CNTN4: variants seen among roughly 807,000 people sequenced by gnomAD.
The protein encoded by CNTN4 is contactin-4.
In CNTN4, 77 loss-of-function variants were observed where a neutral mutation model predicts 122.5. The ratio of observed to expected loss-of-function variants is 0.63; its 90% confidence interval spans 0.52 to 0.76. CNTN4 has a LOEUF of 0.76. Among genes scored for constraint, CNTN4 ranks in the 30% least tolerant of loss-of-function variants. The pLI is 0.00. For synonymous variants in CNTN4, 512 were observed against 447.0 expected (o/e 1.15, Z -1.83); for missense variants, 1,256 against 1,259.1 (o/e 1.00, Z 0.04).
rs1164594646 is a variant in CNTN4, at chr3:2,137,512, G to A, written c.-145+36873G>A. Among the ~76,000 whole-genome samples the A allele has an allele frequency of 2.6e-5, 4 of 152,112 alleles. No homozygotes were observed. The East Asian group carries it at 7.7e-4, about 29-fold the overall frequency. On this transcript the variant is annotated intron_variant, in intron 2 of 24. Coordinates refer to ENST00000418658, the MANE Select transcript of CNTN4 (RefSeq NM_175607.3). The stretch of plus-strand genomic sequence containing the variant: ...AATTTGGGGGTGGGGGGATTAGAAA[G>A]ATGCTTTATTCAAAATGAATTGTAT...
intron 12 of CNTN4, among the ~76,000 whole-genome samples, chr3:2,922,953 C>G (rs2094442756): frequency 6.6e-6 from 1 of 152,128 alleles, no homozygotes; most frequent in South Asian, 2.1e-4. Flanking sequence ...GATGTTCCAG[C>G]CAGTCTTATC....
chr3:2,893,628 G>A (rs2094070846), intron 10 of CNTN4, among the ~76,000 whole-genome samples: 1 of 152,060 alleles, frequency 6.6e-6, no homozygotes. Context: ...AGGAGTGGAG[G>A]CATAAAGTCC....
At chr3:2,257,381 A>C (rs6779847) in intron 2 of CNTN4, among the ~76,000 whole-genome samples, 12,774 of 152,278 alleles carry the variant, frequency 0.084, 880 homozygotes, top group African/African-American at 0.19. Flanking sequence ...AGGCATGGGC[A>C]AAGACTTCAT....
intron 2 of CNTN4, among the ~76,000 whole-genome samples, chr3:2,138,241 T>G (rs1380376785): frequency 2.0e-5 from 3 of 151,890 alleles, no homozygotes; most frequent in Non-Finnish European, 4.4e-5. Context: ...AATTTTTGTG[T>G]TTTTTTACTA....
In CNTN4 at chr3:2,472,153, CAA is replaced by C. The variant is rs570896250; in HGVS notation, c.-88-99246_-88-99245del. ...TTGCAACAAGAGCGAAATTCCATCT[CAA>C]AAAAAAAAAAAAAAAAGTTCTCCCC... On this transcript the variant is annotated intron_variant, in intron 3 of 24. Transcript: ENST00000418658. Among the ~76,000 whole-genome samples, 642 of 90,944 alleles carry C rather than the reference CAA, an allele frequency of 7.1e-3. 4 individuals carry two copies. Among genetic ancestry groups the C allele is most frequent in the African/African-American group, 0.023 (587 of 25,068 alleles). 59.7% of individuals were successfully genotyped at this position (90,944 alleles called of 152,430 possible).
chr3:2,584,132 C>G (rs528164585), intron 4 of CNTN4, among the ~76,000 whole-genome samples: 20 of 152,152 alleles, frequency 1.3e-4, no homozygotes, highest in Non-Finnish European at 2.4e-4. Flanking sequence ...ATAATAATGT[C>G]TATTGTAGTC....
intron 2 of CNTN4, among the ~76,000 whole-genome samples, chr3:2,191,834 C>A (rs956148011): frequency 5.3e-5 from 8 of 152,072 alleles, no homozygotes; most frequent in African/African-American, 9.7e-5. Context: ...CACCCATTAA[C>A]TTGTCATTTA....
chr3:2,811,197 G>T (rs1472658243), intron 6 of CNTN4, among the ~76,000 whole-genome samples: 1 of 151,754 alleles, frequency 6.6e-6, no homozygotes, highest in East Asian at 2.0e-4. Context: ...ATCACTTGAA[G>T]TCAGGAGTTC....
intron 6 of CNTN4, among the ~76,000 whole-genome samples, chr3:2,762,820 A>G (rs1211217359): frequency 1.3e-5 from 2 of 151,572 alleles, no homozygotes; most frequent in Non-Finnish European, 2.9e-5. Context: ...ATTTTTCTCT[A>G]TAACCTTGCC....
intron 2 of CNTN4, among the ~76,000 whole-genome samples, chr3:2,292,891 G>C (rs2042185062): frequency 1.3e-5 from 2 of 152,178 alleles, no homozygotes. Context: ...TCTTGTTGTG[G>C]ACATATGCAC....
At chr3:2,746,018 A>ACACC (rs1406432075) in intron 6 of CNTN4, among the ~76,000 whole-genome samples, 1 of 151,168 alleles carries the variant, frequency 6.6e-6, no homozygotes, top group African/African-American at 2.4e-5. Flanking sequence ...AACAAATTTG[A>ACACC]CACCCACACA....
At chr3:2,798,150 C>G (rs2092249017) in intron 6 of CNTN4, among the ~76,000 whole-genome samples, 1 of 148,926 alleles carries the variant, frequency 6.7e-6, no homozygotes, top group African/African-American at 2.5e-5. Context: ...TTAGCTCTCA[C>G]TTGAGAACAT....
At chr3:2,250,440 T>C (rs1047549815) in intron 2 of CNTN4, among the ~76,000 whole-genome samples, 5 of 151,910 alleles carry the variant, frequency 3.3e-5, no homozygotes, top group East Asian at 1.9e-4. Flanking sequence ...AAGCCTCTTA[T>C]TTTTTAATCT....
chr3:2,619,899 A>T, intron 4 of CNTN4, among the ~76,000 whole-genome samples: 1 of 152,170 alleles, frequency 6.6e-6, no homozygotes, highest in East Asian at 1.9e-4. Flanking sequence ...TCATGACTTT[A>T]ACCCTTTTCA....
intron 7 of CNTN4, among the ~76,000 whole-genome samples, chr3:2,853,125 G>T (rs918948576): frequency 7.3e-5 from 11 of 151,652 alleles, no homozygotes; most frequent in East Asian, 1.9e-4. Flanking sequence ...AAAAAGAAAT[G>T]ACAAGGGTTT....
chr3:2,729,366 C>T (rs910357744), intron 4 of CNTN4, among the ~76,000 whole-genome samples: 3 of 149,388 alleles, frequency 2.0e-5, no homozygotes, highest in African/African-American at 5.1e-5. Context: ...AGATTGAGAC[C>T]ATCCCGGCTA....
chr3:2,759,037 G>C (rs1315490246), intron 6 of CNTN4, among the ~76,000 whole-genome samples: 1 of 152,052 alleles, frequency 6.6e-6, no homozygotes, highest in African/African-American at 2.4e-5. Context: ...TGTCTCTGTG[G>C]ATTTTCCTAT....
At chr3:2,129,281 A>AG (rs2034333584) in intron 2 of CNTN4, among the ~76,000 whole-genome samples, 1 of 151,742 alleles carries the variant, frequency 6.6e-6, no homozygotes, top group Admixed American at 6.6e-5. Flanking sequence ...AAAAAAAAAA[A>AG]AAAGCGCACA....
chr3:2,672,506 G>A (rs564922722), intron 4 of CNTN4, among the ~76,000 whole-genome samples: 16 of 152,262 alleles, frequency 1.1e-4, no homozygotes, highest in South Asian at 4.1e-4. Flanking sequence ...TCCAGGTGCC[G>A]TCTGTCACCC....
Sources: allele counts gnomAD v4.1 joint callset (sites outside exome capture counted in the v4.1 genomes callset), GRCh38; gene constraint gnomAD v4.1.1; transcripts MANE v1.5; gene names NCBI Gene and HGNC (gene_info 2026-07-23, HGNC 2026-07-21).